The following SND1 variants were observed in gnomAD, a reference collection of about 807,000 sequenced individuals.
SND1 encodes staphylococcal nuclease domain-containing protein 1.
In SND1, 38 loss-of-function variants were observed where a neutral mutation model predicts 121.7. The ratio of observed to expected loss-of-function variants is 0.31; its 90% confidence interval spans 0.24 to 0.41. SND1 has a LOEUF of 0.41. Ranked by LOEUF, SND1 falls within the 10% of genes least tolerant of loss-of-function variation. The pLI is 1.00. For missense variants in SND1, 868 were observed against 1,184.6 expected, an observed-to-expected ratio of 0.73 and a Z score of 3.92; for synonymous variants, 401 against 447.4, an observed-to-expected ratio of 0.90 and a Z score of 1.31.
intron 11 of SND1, among the ~76,000 whole-genome samples, chr7:127,831,489 C>T (rs1798738341): frequency 6.6e-6 from 1 of 152,168 alleles, no homozygotes; most frequent in African/African-American, 2.4e-5. Context: ...ATTATCAGCT[C>T]AGAGTGAGAT....
intron 15 of SND1, among the ~76,000 whole-genome samples, chr7:127,962,667 A>G (rs1801760459): frequency 6.6e-6 from 1 of 152,172 alleles, no homozygotes; most frequent in South Asian, 2.1e-4. Context: ...TCTATTCTCC[A>G]TCCCCACTCT....
At chr7:128,030,440 G>A (rs369440445) in intron 16 of SND1, 83 of 1,613,682 alleles carry the variant, frequency 5.1e-5, no homozygotes, top group Admixed American at 6.7e-5. Flanking sequence ...GCGGGACCTC[G>A]GAGAGGCCCC....
intron 10 of SND1, among the ~76,000 whole-genome samples, chr7:127,779,183 A>G (rs6968199): frequency 0.33 from 49,948 of 152,078 alleles, 9,109 homozygotes; most frequent in Admixed American, 0.42. Context: ...TCTGACGTGA[A>G]TGGTAGTGAC....
At position 128,015,233 on chromosome 7, in the gene SND1, C is replaced by T. The variant is rs1046538780; in HGVS notation, c.1779+24177C>T. On this transcript the variant is annotated intron_variant, in intron 16 of 23. Transcript: ENST00000354725. This position sits in a 1 kb window ranked among gnomAD's most constrained non-coding sequence, Gnocchi z 4.5. ...ATGAAGGGGCTGGGTCAGGCCTTGCCCGCAGGTCAACGTGGGGCTAAAATG... is the reference window on the plus strand; with the variant it reads ...ATGAAGGGGCTGGGTCAGGCCTTGCTCGCAGGTCAACGTGGGGCTAAAATG... Among the ~76,000 whole-genome samples, 6 of 152,208 alleles carry T rather than the reference C, an allele frequency of 3.9e-5. No homozygotes were observed. Among genetic ancestry groups the T allele is most frequent in the Non-Finnish European group, 8.8e-5 (6 of 68,036 alleles).
chr7:127,774,908 C>A (rs1440758711), intron 10 of SND1, among the ~76,000 whole-genome samples: 1 of 152,126 alleles, frequency 6.6e-6, no homozygotes, highest in African/African-American at 2.4e-5. Flanking sequence ...TTTTACTGTA[C>A]CTTTTCTATG....
At chr7:127,809,559 C>T (rs1798297021) in intron 11 of SND1, among the ~76,000 whole-genome samples, 1 of 152,198 alleles carries the variant, frequency 6.6e-6, no homozygotes, top group Non-Finnish European at 1.5e-5. Flanking sequence ...TACCAATTCC[C>T]TTCAGACCTC....
At chr7:127,968,810 G>T (rs949792402) in intron 15 of SND1, among the ~76,000 whole-genome samples, 1 of 152,184 alleles carries the variant, frequency 6.6e-6, no homozygotes, top group African/African-American at 2.4e-5. Context: ...GAACTGGGCT[G>T]TGGTTCTCAG....
chr7:128,070,126 C>A (rs1478445210), intron 16 of SND1, among the ~76,000 whole-genome samples: 1 of 152,230 alleles, frequency 6.6e-6, no homozygotes, highest in African/African-American at 2.4e-5. Context: ...TCACATTGAC[C>A]TTCAAGCCTC....
chr7:127,951,497 T>C (rs945599005), intron 15 of SND1, among the ~76,000 whole-genome samples: 2 of 152,230 alleles, frequency 1.3e-5, no homozygotes, highest in African/African-American at 4.8e-5. Context: ...TCTAGAGATC[T>C]GCTGTACAAT....
intron 16 of SND1, chr7:128,031,707 CAG>C (rs1272056196): frequency 2.1e-5 from 3 of 143,526 alleles, no homozygotes; most frequent in African/African-American, 5.0e-5. Context: ...CAGGCCCCTT[CAG>C]AGAGTCCGGG....
At chr7:127,944,579 C>G (rs1801285687) in intron 15 of SND1, among the ~76,000 whole-genome samples, 1 of 152,170 alleles carries the variant, frequency 6.6e-6, no homozygotes, top group Non-Finnish European at 1.5e-5. Flanking sequence ...TCTTTGATCC[C>G]CTGAACCGGT....
chr7:127,652,736 T>C (rs751191766), intron 1 of SND1, among the ~76,000 whole-genome samples: 36 of 152,232 alleles, frequency 2.4e-4, no homozygotes, highest in Non-Finnish European at 4.6e-4. Context: ...TACTGATTGA[T>C]TAACAGAGAC....
At chr7:127,880,410 G>A (rs1029632441) in intron 12 of SND1, among the ~76,000 whole-genome samples, 3 of 152,080 alleles carry the variant, frequency 2.0e-5, no homozygotes, top group African/African-American at 7.2e-5. Flanking sequence ...ATTTCTTGCG[G>A]ATAAGGAGGG....
Position 127,702,505 on chromosome 7 carries a change from A to G in SND1, c.660A>G (p.Thr220=), listed in dbSNP as rs750580911. 13 of 1,614,076 alleles carry G rather than the reference A, an allele frequency of 8.1e-6. No homozygotes were observed. The highest frequency in any genetic ancestry group is 1.1e-5 in the Non-Finnish European group (13 of 1,179,968). Residue 220 remains threonine (T), a synonymous_variant, in exon 6 of 24, where the codon ACA becomes ACG. Transcript: ENST00000354725. ...TCCTCCCAGATTACTACCTGGTTACAGTCATGCTGTCAGGCATCAAGGTCA... is the reference window on the plus strand; with the variant it reads ...TCCTCCCAGATTACTACCTGGTTACGGTCATGCTGTCAGGCATCAAGGTCA... The part of the protein sequence containing the change: ...ALLLPDYYLV[T]VMLSGIKCPT...
At chr7:128,057,771 G>C (rs1793166893) in intron 16 of SND1, among the ~76,000 whole-genome samples, 1 of 152,114 alleles carries the variant, frequency 6.6e-6, no homozygotes, top group East Asian at 1.9e-4. Context: ...AAAAAGGAGA[G>C]AATGGAGCCA....
At chr7:127,858,439 G>T in intron 12 of SND1, 1 of 762,556 alleles carries the variant, frequency 1.3e-6, no homozygotes, top group African/African-American at 1.7e-5. Flanking sequence ...TCTGGCCCAA[G>T]CTGTCCTCCT....
At chr7:127,824,846 ATCT>A (rs1057150430) in intron 11 of SND1, among the ~76,000 whole-genome samples, 3 of 152,052 alleles carry the variant, frequency 2.0e-5, no homozygotes, top group Admixed American at 6.5e-5. Context: ...TCTAATCTTC[ATCT>A]TCTTTGTGAC....
intron 10 of SND1, among the ~76,000 whole-genome samples, chr7:127,784,029 A>G (rs1450284122): frequency 1.3e-5 from 2 of 152,212 alleles, no homozygotes; most frequent in Non-Finnish European, 2.9e-5. Context: ...GTGAACAGGA[A>G]ATTACTAACT....
At chr7:127,854,169 G>A (rs1450805368) in intron 12 of SND1, among the ~76,000 whole-genome samples, 1 of 152,166 alleles carries the variant, frequency 6.6e-6, no homozygotes, top group Non-Finnish European at 1.5e-5. Flanking sequence ...CTGTTGCCCA[G>A]GCTGGAGTGC....
Sources: gnomAD v4.1 joint callset for allele counts (sites outside exome capture counted in the v4.1 genomes callset) on GRCh38, gnomAD v4.1.1 for gene constraint, Gnocchi (gnomAD v3.1) non-coding constraint, MANE v1.5 for transcripts, NCBI Gene and HGNC (gene_info 2026-07-23, HGNC 2026-07-21) for gene names.